PRDX5: variants seen among roughly 807,000 people sequenced by gnomAD.
PRDX5 encodes peroxiredoxin 5.
In PRDX5, 21 loss-of-function variants were observed where a neutral mutation model predicts 23.8. The observed-to-expected ratio is 0.88, with a 90% CI of 0.63 to 1.27. The LOEUF is 1.27. Ranked by LOEUF, PRDX5 falls within the 50% of genes most tolerant of loss-of-function variation. The pLI is 0.00. For synonymous variants in PRDX5, 111 were observed against 113.3 expected (o/e 0.98, Z 0.13); for missense variants, 261 against 270.6 (o/e 0.96, Z 0.25).
At chr11:64,318,464 G>T in intron 1 of PRDX5, 78 bp downstream of exon 1, 1 of 1,509,648 alleles carries the variant, frequency 6.6e-7, no homozygotes, top group Admixed American at 2.1e-5. Context: ...TGAGAGTATC[G>T]CTTTATTTCC....
chr11:64,320,642 C>G lies in PRDX5; in HGVS notation c.307-19C>G. 2 of 1,570,748 alleles carry G rather than the reference C, an allele frequency of 1.3e-6. No homozygotes were observed. On this transcript the variant is annotated intron_variant, in intron 2 of 5. Coordinates refer to ENST00000265462, the MANE Select transcript of PRDX5 (RefSeq NM_012094.5). Reference sequence around the variant, plus strand: ...AGATGCAGTTATCCCTTTGCCGACCCTTTGTTCCCCTTCCTCAGACACACC... The same window carrying G: ...AGATGCAGTTATCCCTTTGCCGACCGTTTGTTCCCCTTCCTCAGACACACC...
rs143054032 is a variant in PRDX5 at position 64,318,303 on chromosome 11, G to A, written c.88G>A (p.Ala30Thr). The change falls in exon 1 of 6, where the codon GCA becomes ACA. Residue 30 changes from alanine to threonine, a missense_variant. Coordinates refer to ENST00000265462, the MANE Select transcript of PRDX5 (RefSeq NM_012094.5). ...CGGCGGTCAGTCTGCGGCAGCGGCA[G>A]CAAGACGGTACAGTGAAGGAGAGTG... ...GAGGQSAAAA[A>T]RRYSEGEWAS... 12 of 1,612,504 alleles carry A rather than the reference G, an allele frequency of 7.4e-6. No individual in the cohort carries two copies. In the African/African-American group the frequency reaches 1.5e-4, roughly 20 times the overall value.
chr11:64,320,362 A>G (rs749272507), intron 2 of PRDX5, among the ~76,000 whole-genome samples: 2 of 152,226 alleles, frequency 1.3e-5, no homozygotes, highest in Non-Finnish European at 2.9e-5. Flanking sequence ...ACATACTACA[A>G]TTAAATCCAA....
intron 1 of PRDX5, among the ~76,000 whole-genome samples, 165 bp downstream of exon 1, chr11:64,318,551 C>A (rs555514278): frequency 1.3e-5 from 2 of 152,314 alleles, no homozygotes; most frequent in Non-Finnish European, 2.9e-5. Context: ...CCTTTCTCGC[C>A]AATCGTGGGG....
At chr11:64,320,840 CT>C (rs1263604651) in intron 3 of PRDX5, 24 bp from the exon 4 acceptor site, 1 of 1,614,070 alleles carries the variant, frequency 6.2e-7, no homozygotes, top group East Asian at 2.2e-5. Context: ...GGATATTCTT[CT>C]TGTGACCTTT....
At chr11:64,320,837 C>A (rs1180695384) in intron 3 of PRDX5, 28 bp from the exon 4 acceptor site, 2 of 1,614,062 alleles carry the variant, frequency 1.2e-6, no homozygotes, top group Non-Finnish European at 1.7e-6. Context: ...GTAGGATATT[C>A]TTCTTGTGAC....
At position 64,321,034 on chromosome 11, in the gene PRDX5, C is replaced by T. The variant is rs778032907; in HGVS notation, c.505C>T (p.Leu169=). ...KETDLLLDDS[L]VSIFGNRRLK... is the part of the protein sequence containing the mutation. Reference sequence around the variant, plus strand: ...GACAGACTTATTACTAGATGATTCGCTGGTGTCCATCTTTGGGAATCGACG... The same window carrying T: ...GACAGACTTATTACTAGATGATTCGTTGGTGTCCATCTTTGGGAATCGACG... Residue 169 remains leucine, a synonymous_variant, in exon 5 of 6, where the codon CTG becomes TTG. Transcript: ENST00000265462. 1 of 1,614,126 alleles carries T rather than the reference C, an allele frequency of 6.2e-7. No homozygotes were observed. The highest frequency in any genetic ancestry group is 8.5e-7 in the Non-Finnish European group (1 of 1,180,028).
chr11:64,320,516 A>G, intron 2 of PRDX5, 145 bp from the exon 3 acceptor site: 1 of 1,265,662 alleles, frequency 7.9e-7, no homozygotes, highest in Non-Finnish European at 1.1e-6. Context: ...TGGCCAAGGC[A>G]AAAAGGAAAT....
intron 1 of PRDX5, 26 bp from the exon 2 acceptor site, chr11:64,319,708 C>T: frequency 6.2e-7 from 1 of 1,608,768 alleles, no homozygotes. Context: ...CCCTCACCCC[C>T]CTTACCCTGG....
intron 1 of PRDX5, among the ~76,000 whole-genome samples, chr11:64,318,795 C>T (rs1039758075): frequency 6.6e-6 from 1 of 151,886 alleles, no homozygotes; most frequent in Non-Finnish European, 1.5e-5. Flanking sequence ...CGGGATTTCA[C>T]CCCGTTGTTC....
chr11:64,321,626 A>G lies in PRDX5; in HGVS notation c.580A>G (p.Asn194Asp). The G allele has an allele frequency of 6.2e-7, 1 of 1,613,362 alleles. No homozygotes were observed. The highest frequency in any genetic ancestry group is 2.2e-5 in the East Asian group (1 of 44,878). ...VVQDGIVKAL[N>D]VEPDGTGLTC... ...ACAGGATGGCATAGTGAAGGCCCTG[A>G]ATGTGGAACCAGATGGCACAGGCCT... Residue 194 changes from asparagine to aspartate, a missense_variant, in exon 6 of 6, where the codon AAT becomes GAT. Physicochemically the swap from Asn to Asp is conservative, Grantham distance 23 (BLOSUM62 1). Transcript: ENST00000265462.
At chr11:64,318,981 C>G (rs1171738622) in intron 1 of PRDX5, among the ~76,000 whole-genome samples, 2 of 151,708 alleles carry the variant, frequency 1.3e-5, no homozygotes, top group Non-Finnish European at 2.9e-5. Context: ...CACTCCATGA[C>G]CTCCCCTCCC....
chr11:64,321,449 T>G, intron 5 of PRDX5, 137 bp from the exon 6 acceptor site: 1 of 1,391,882 alleles, frequency 7.2e-7, no homozygotes, highest in Non-Finnish European at 9.8e-7. Context: ...TGGTGGTGAG[T>G]CCTCTGTGGG....
chr11:64,321,102 T>C, intron 5 of PRDX5, 34 bp downstream of exon 5: 1 of 1,361,214 alleles, frequency 7.3e-7, no homozygotes. Context: ...GAGAGAGTCC[T>C]CTGTGGGAGA....
At position 64,321,579 on chromosome 11, in the gene PRDX5, C is replaced by A. The variant is rs376523107; in HGVS notation, c.540-7C>A. The stretch of plus-strand genomic sequence containing the variant: ...GATGCAGCTGGCTGGGCCCCTCTTT[C>A]CGGCAGGTTCTCCATGGTGGTACAG... On this transcript the variant is annotated splice_region_variant and splice_polypyrimidine_tract_variant and intron_variant, in intron 5 of 5. Coordinates refer to ENST00000265462, the MANE Select transcript of PRDX5 (RefSeq NM_012094.5). 114 of 1,611,860 alleles carry A rather than the reference C, an allele frequency of 7.1e-5. No homozygotes were observed. Among genetic ancestry groups the A allele is most frequent in the Non-Finnish European group, 9.5e-5 (112 of 1,178,688 alleles).
rs2035476709 is a variant in PRDX5, at chr11:64,320,869, G to A, written c.443G>A (p.Arg148Gln). 7.4e-6 allele frequency: 12 copies of A among 1,614,096 alleles called. No homozygotes were observed. Among genetic ancestry groups the A allele is most frequent in the East Asian group, 2.2e-5 (1 of 44,898 alleles). ...TGACCTTTACTTTCTCTGCAGGTTC[G>A]GCTCCTGGCTGATCCCACTGGGGCC... ...GRAHKAEGKVRLLADPTGAFG... is the reference protein window; with the variant it reads ...GRAHKAEGKVQLLADPTGAFG... Residue 148 changes from arginine (R) to glutamine (Q), a missense_variant, in exon 4 of 6, where the codon CGG (arginine) becomes CAG (glutamine). Physicochemically the swap from Arg to Gln is conservative, Grantham distance 43 (BLOSUM62 1). Coordinates refer to ENST00000265462, the MANE Select transcript of PRDX5 (RefSeq NM_012094.5).
In PRDX5 at chr11:64,319,750, C is replaced by T; in HGVS notation, c.188C>T (p.Pro63Leu). ...TCCTTCTAGGTGGGAGATGCCATCC[C>T]AGCAGTGGAGGTGTTTGAAGGGGAG... ...MAPIKVGDAI[P>L]AVEVFEGEPG... The change falls in exon 2 of 6, where the codon CCA becomes CTA. Residue 63 changes from proline (P) to leucine (L), a missense_variant. Pro to Leu is a moderately conservative substitution (Grantham distance 98). Transcript: ENST00000265462. 1 of 1,613,958 alleles carries T rather than the reference C, an allele frequency of 6.2e-7. No homozygotes were observed. Among genetic ancestry groups the T allele is most frequent in the South Asian group, 1.1e-5 (1 of 91,076 alleles).
rs993766702 is a variant in PRDX5, at chr11:64,318,152, C to T, written c.-64C>T. The stretch of plus-strand genomic sequence containing the variant: ...CAGGGTGTCGCCGCTGTGCCGCTAG[C>T]GGTGCCCCGCCTGCTGCGGTGGCAC... On this transcript the variant is annotated 5_prime_UTR_variant, in exon 1 of 6. Coordinates refer to ENST00000265462, the MANE Select transcript of PRDX5 (RefSeq NM_012094.5). The T allele has an allele frequency of 2.6e-5, 41 of 1,597,724 alleles. No individual in the cohort carries two copies. Among genetic ancestry groups the T allele is most frequent in the Admixed American group, 3.5e-5 (2 of 57,552 alleles).
In PRDX5 at chr11:64,320,790, A is replaced by G. The variant is rs2035474958; in HGVS notation, c.436A>G (p.Lys146Glu). Residue 146 changes from lysine to glutamate, a missense_variant and splice_region_variant, in exon 3 of 6, where the codon AAG (lysine) becomes GAG (glutamate). Transcript: ENST00000265462. ...EWGRAHKAEG[K>E]VRLLADPTGA... ...GGGCCGAGCCCACAAGGCGGAAGGC[A>G]AGGTGAGGTGAGGGGCCTGCAGGGA... 6.2e-7 allele frequency: 1 copy of G among 1,614,148 alleles called. No homozygotes were observed. The highest frequency in any genetic ancestry group is 8.5e-7 in the Non-Finnish European group (1 of 1,179,990).
Sources: gnomAD v4.1 joint callset for allele counts (sites outside exome capture counted in the v4.1 genomes callset) on GRCh38, gnomAD v4.1.1 for gene constraint, MANE v1.5 for transcripts, NCBI Gene and HGNC (gene_info 2026-07-23, HGNC 2026-07-21) for gene names.